The following FAM13A variants were observed in gnomAD, a reference collection of about 807,000 sequenced individuals.
FAM13A encodes the protein protein FAM13A.
A neutral mutation model predicts 129.6 loss-of-function variants in FAM13A; 76 were observed. The observed-to-expected ratio is 0.59, with a 90% CI of 0.49 to 0.71. FAM13A has a LOEUF of 0.71. FAM13A is among the 30% of genes least tolerant of loss of function. FAM13A has a pLI of 0.00. For synonymous variants in FAM13A, 443 were observed against 449.9 expected, an observed-to-expected ratio of 0.98 and a Z score of 0.20; for missense variants, 1,108 against 1,249.3, an observed-to-expected ratio of 0.89 and a Z score of 1.70.
Position 88,795,193 on chromosome 4 carries a change from TA to T in FAM13A, c.1050-4567del, listed in dbSNP as rs567453146. Among the ~76,000 whole-genome samples the T allele has an allele frequency of 4.9e-3, 744 of 151,902 alleles. 6 individuals carry two copies. Among genetic ancestry groups the T allele is most frequent in the Non-Finnish European group, 6.1e-3 (412 of 67,708 alleles). On this transcript the variant is annotated intron_variant, in intron 8 of 23. Coordinates refer to ENST00000264344, the MANE Select transcript of FAM13A (RefSeq NM_014883.4). The stretch of plus-strand genomic sequence containing the variant: ...TTGGTTTAAAATTGCATACTGTGCA[TA>T]ATATACTAGAATATAAATTGAAAAC...
intron 1 of FAM13A, among the ~76,000 whole-genome samples, chr4:89,053,123 T>C (rs1771812654): frequency 6.6e-6 from 1 of 152,198 alleles, no homozygotes; most frequent in East Asian, 1.9e-4. Flanking sequence ...AAGTTCTTCC[T>C]TCCACAAAAT....
chr4:88,851,143 C>T lies in FAM13A; in HGVS notation c.884G>A (p.Arg295Lys), dbSNP rs776559388. Reference protein sequence around the residue: ...SRSEGSIQAHRVLQPELSDGI... With the variant: ...SRSEGSIQAHKVLQPELSDGI... ...ATCAGATAGCTCTGGTTGCAGTACTCTGTGGGCCTGAATAGATCCCTCACT... is the reference window on the plus strand; with the variant it reads ...ATCAGATAGCTCTGGTTGCAGTACTTTGTGGGCCTGAATAGATCCCTCACT... The change falls in exon 7 of 24, where the codon AGA (arginine) becomes AAA (lysine). Residue 295 changes from arginine (R) to lysine (K), a missense_variant. By Grantham distance (26) the Arg-to-Lys change is conservative (BLOSUM62 2). Transcript: ENST00000264344. 30 of 1,612,724 alleles carry T rather than the reference C, an allele frequency of 1.9e-5. No homozygotes were observed. The highest frequency in any genetic ancestry group is 2.0e-5 in the Non-Finnish European group (24 of 1,179,766).
chr4:88,784,228 C>T (rs968174561), intron 10 of FAM13A, among the ~76,000 whole-genome samples: 2 of 152,104 alleles, frequency 1.3e-5, no homozygotes, highest in Non-Finnish European at 2.9e-5. Context: ...ACTCTAATTT[C>T]GATTACACTA....
At chr4:89,043,972 C>T (rs1169033469) in intron 1 of FAM13A, among the ~76,000 whole-genome samples, 2 of 151,824 alleles carry the variant, frequency 1.3e-5, no homozygotes, top group Non-Finnish European at 2.9e-5. Flanking sequence ...GTGGCACACA[C>T]CTAGAGTCCC....
chr4:88,938,647 A>T (rs1299705384), intron 4 of FAM13A, among the ~76,000 whole-genome samples: 2 of 152,244 alleles, frequency 1.3e-5, no homozygotes, highest in African/African-American at 4.8e-5. Flanking sequence ...CAAAAAGTAC[A>T]AACCTTAAAG....
chr4:88,846,296 GCTT>G (rs1736631899), intron 7 of FAM13A, among the ~76,000 whole-genome samples: 1 of 152,160 alleles, frequency 6.6e-6, no homozygotes, highest in Non-Finnish European at 1.5e-5. Flanking sequence ...AGATGTTTCA[GCTT>G]CTTCTTTCTG....
At chr4:89,025,083 T>C (rs1767748633) in intron 2 of FAM13A, among the ~76,000 whole-genome samples, 1 of 152,142 alleles carries the variant, frequency 6.6e-6, no homozygotes, top group African/African-American at 2.4e-5. Flanking sequence ...AAAATTTTCA[T>C]ATGTTGATGG....
chr4:89,032,101 G>A lies in FAM13A; in HGVS notation c.28-2452C>T, dbSNP rs144546069. On this transcript the variant is annotated intron_variant, in intron 1 of 23. Coordinates refer to ENST00000264344, the MANE Select transcript of FAM13A (RefSeq NM_014883.4). ...TAAAATAAATTAAAAAAAATTAGCC[G>A]GACATGGTGGTGGGCACCTGTAGTC... 6.3e-3 allele frequency among the ~76,000 whole-genome samples: 954 copies of A among 152,000 alleles called. 15 individuals carry two copies. Among genetic ancestry groups the A allele is most frequent in the African/African-American group, 0.022 (905 of 41,490 alleles).
chr4:88,838,529 A>G (rs1189279376), intron 7 of FAM13A, among the ~76,000 whole-genome samples: 1 of 151,968 alleles, frequency 6.6e-6, no homozygotes, highest in Non-Finnish European at 1.5e-5. Context: ...CGAGGTCAGG[A>G]GATGGAGACC....
chr4:88,827,543 T>G (rs922299706), intron 7 of FAM13A, among the ~76,000 whole-genome samples: 1 of 152,184 alleles, frequency 6.6e-6, no homozygotes, highest in Non-Finnish European at 1.5e-5. Flanking sequence ...CAATCAAACA[T>G]TCAAGACTTC....
intron 7 of FAM13A, among the ~76,000 whole-genome samples, chr4:88,818,422 G>A (rs1401373126): frequency 6.6e-6 from 1 of 152,154 alleles, no homozygotes; most frequent in East Asian, 1.9e-4. Flanking sequence ...AGCTGTCAGT[G>A]TCTATATATG....
At chr4:88,885,007 C>T (rs994459089) in intron 6 of FAM13A, among the ~76,000 whole-genome samples, 3 of 152,108 alleles carry the variant, frequency 2.0e-5, no homozygotes, top group Non-Finnish European at 4.4e-5. Flanking sequence ...ATAGATGGCA[C>T]AAACAAATGG....
intron 11 of FAM13A, among the ~76,000 whole-genome samples, chr4:88,780,038 A>G (rs1236501862): frequency 2.0e-4 from 31 of 152,178 alleles, no homozygotes; most frequent in Admixed American, 2.0e-3. Flanking sequence ...TGAAATCATC[A>G]GTGTTAAAAA....
Position 88,805,027 on chromosome 4 carries a change from A to G in FAM13A, c.1033T>C (p.Ser345Pro). The G allele has an allele frequency of 6.4e-7, 1 of 1,557,150 alleles. No individual in the cohort carries two copies. Among genetic ancestry groups the G allele is most frequent in the Non-Finnish European group, 8.8e-7 (1 of 1,130,976 alleles). The change falls in exon 8 of 24, where the codon TCA becomes CCA. Residue 345 changes from serine (S) to proline (P), a missense_variant. Physicochemically the swap from Ser to Pro is moderately conservative, Grantham distance 74 (BLOSUM62 -1). Around this residue, in one of 3 missense-constraint regions of FAM13A, gnomAD observed 566 missense variants for 595.7 expected, o/e 0.95. Transcript: ENST00000264344. ...PSSQEDERPL[S>P]PFYLSAHVPQ... ...AATAAATACCTCAAATAGAAAGGTG[A>G]CAGAGGTCTTTCATCTTCCTGTGAA...
intron 1 of FAM13A, among the ~76,000 whole-genome samples, chr4:89,049,784 G>C (rs1771314378): frequency 6.6e-6 from 1 of 152,154 alleles, no homozygotes; most frequent in Admixed American, 6.5e-5. Flanking sequence ...AGCTTCCCAA[G>C]TAGCTGGACT....
chr4:88,935,409 C>T (rs1021078656), intron 5 of FAM13A, among the ~76,000 whole-genome samples: 6 of 152,146 alleles, frequency 3.9e-5, no homozygotes, highest in African/African-American at 1.4e-4. Flanking sequence ...ACTTAAAAGC[C>T]TTATATCTAA....
At chr4:88,859,285 G>T (rs573921925) in intron 6 of FAM13A, among the ~76,000 whole-genome samples, 56 of 152,286 alleles carry the variant, frequency 3.7e-4, no homozygotes, top group African/African-American at 1.3e-3. Flanking sequence ...CATCAAACTG[G>T]TGACCCAGGA....
At chr4:88,957,188 T>C (rs1291891237) in intron 4 of FAM13A, among the ~76,000 whole-genome samples, 1 of 152,166 alleles carries the variant, frequency 6.6e-6, no homozygotes, top group Non-Finnish European at 1.5e-5. Flanking sequence ...TAGCTGGGCA[T>C]GGAGGCACAT....
At chr4:89,002,153 T>C (rs1428619523) in intron 3 of FAM13A, among the ~76,000 whole-genome samples, 1 of 96,654 alleles carries the variant, frequency 1.0e-5, no homozygotes, top group Non-Finnish European at 2.1e-5. Flanking sequence ...AAATAATACT[T>C]AAAAAGTGTA....
Sources: gnomAD v4.1 joint callset for allele counts (sites outside exome capture counted in the v4.1 genomes callset) on GRCh38, gnomAD v4.1.1 for gene constraint, gnomAD v4.1.1 regional missense constraint, MANE v1.5 for transcripts, NCBI Gene and HGNC (gene_info 2026-07-23, HGNC 2026-07-21) for gene names.